DLG2: variants seen among roughly 807,000 people sequenced by gnomAD.
DLG2 encodes discs large MAGUK scaffold protein 2, also known as disks large homolog 2.
Under a neutral mutation model 132.5 loss-of-function variants are expected in DLG2, and 45 were observed. The ratio of observed to expected loss-of-function variants is 0.34; its 90% CI spans 0.27 to 0.44. The LOEUF (loss-of-function observed/expected upper bound fraction) is 0.44. Among genes scored for constraint, DLG2 ranks in the 20% least tolerant of loss-of-function variants. The pLI is 1.00. For synonymous variants in DLG2, 424 were observed against 419.6 expected (o/e 1.01, Z -0.13); for missense variants, 1,045 against 1,196.9 (o/e 0.87, Z 1.87).
intron 3 of DLG2, among the ~76,000 whole-genome samples, chr11:85,568,740 T>C (rs879690696): frequency 3.9e-5 from 6 of 152,178 alleles, no homozygotes; most frequent in African/African-American, 2.4e-5. Flanking sequence ...CTTATTTCTG[T>C]AAGATCATTG....
intron 19 of DLG2, 182 bp downstream of exon 19, chr11:83,633,025 TTAAC>T (rs1324418158): frequency 1.2e-5 from 7 of 563,256 alleles, no homozygotes; most frequent in Non-Finnish European, 1.9e-5. Flanking sequence ...GCAGGCACCT[TTAAC>T]TAATTTAATC....
chr11:84,212,567 C>G (rs2096770225), intron 8 of DLG2, among the ~76,000 whole-genome samples: 1 of 152,154 alleles, frequency 6.6e-6, no homozygotes, highest in South Asian at 2.1e-4. Context: ...TAAAAACTAA[C>G]AAATAAGCCT....
intron 4 of DLG2, among the ~76,000 whole-genome samples, chr11:85,272,440 A>G (rs1260861300): frequency 1.3e-5 from 2 of 152,212 alleles, no homozygotes; most frequent in African/African-American, 4.8e-5. Context: ...AGGATAGGCT[A>G]GAAGTCTGGA....
At chr11:83,899,423 G>A (rs1183945163) in intron 15 of DLG2, among the ~76,000 whole-genome samples, 4 of 152,142 alleles carry the variant, frequency 2.6e-5, no homozygotes, top group Non-Finnish European at 5.9e-5. Context: ...TTTCACATTG[G>A]TCTCTGATAT....
intron 19 of DLG2, among the ~76,000 whole-genome samples, chr11:83,608,133 T>C (rs2059605292): frequency 6.6e-6 from 1 of 152,208 alleles, no homozygotes; most frequent in Non-Finnish European, 1.5e-5. Flanking sequence ...TTTGGATGGA[T>C]TGTGTCCAAA....
chr11:85,375,215 G>T (rs975551944), intron 3 of DLG2, among the ~76,000 whole-genome samples: 12 of 151,974 alleles, frequency 7.9e-5, no homozygotes, highest in South Asian at 2.1e-4. Flanking sequence ...TATCACAGAA[G>T]AATAATTGTA....
intron 11 of DLG2, among the ~76,000 whole-genome samples, chr11:84,029,908 T>G (rs2095645798): frequency 6.6e-6 from 1 of 152,182 alleles, no homozygotes; most frequent in Non-Finnish European, 1.5e-5. Context: ...GAAAAGGCCT[T>G]CCTTGACCTC....
intron 3 of DLG2, among the ~76,000 whole-genome samples, chr11:85,557,390 A>G (rs1368697847): frequency 1.3e-5 from 2 of 151,828 alleles, no homozygotes; most frequent in African/African-American, 2.4e-5. Context: ...CCAAAGAAAT[A>G]TACAGATTCA....
At chr11:85,254,005 C>T (rs558326730) in intron 4 of DLG2, among the ~76,000 whole-genome samples, 9 of 152,200 alleles carry the variant, frequency 5.9e-5, no homozygotes, top group Middle Eastern at 3.4e-3. Context: ...GGCACAGGAT[C>T]GGGGGCAGGA....
At chr11:83,752,802 C>T (rs1048889865) in intron 18 of DLG2, among the ~76,000 whole-genome samples, 3 of 152,084 alleles carry the variant, frequency 2.0e-5, no homozygotes, top group Admixed American at 6.6e-5. Flanking sequence ...AATATGAGAA[C>T]GAAGAAGGCA....
chr11:84,514,399 G>A (rs2099266332), intron 7 of DLG2, among the ~76,000 whole-genome samples: 1 of 151,994 alleles, frequency 6.6e-6, no homozygotes, highest in Non-Finnish European at 1.5e-5. Flanking sequence ...CTCCCATATT[G>A]TTGCAGCACT....
intron 6 of DLG2, among the ~76,000 whole-genome samples, chr11:84,726,775 G>A (rs1043489984): frequency 6.6e-6 from 1 of 152,192 alleles, no homozygotes; most frequent in Non-Finnish European, 1.5e-5. Flanking sequence ...TCCAGCATCT[G>A]TTGTTTCCTG....
intron 18 of DLG2, among the ~76,000 whole-genome samples, chr11:83,765,775 T>C (rs896669406): frequency 1.3e-5 from 2 of 152,170 alleles, no homozygotes; most frequent in Non-Finnish European, 1.5e-5. Context: ...ATATGTACAA[T>C]TGAGTTTCTC....
chr11:85,400,659 ATTC>A (rs1322502469), intron 3 of DLG2, among the ~76,000 whole-genome samples: 2 of 147,486 alleles, frequency 1.4e-5, no homozygotes, highest in Admixed American at 1.4e-4. Context: ...GGAAATCATC[ATTC>A]TCAGTAAACT....
intron 8 of DLG2, among the ~76,000 whole-genome samples, chr11:84,213,001 C>T (rs2096777629): frequency 6.6e-6 from 1 of 152,190 alleles, no homozygotes; most frequent in African/African-American, 2.4e-5. Context: ...TAGTTCCCGT[C>T]TGAAAATCCA....
intron 11 of DLG2, among the ~76,000 whole-genome samples, chr11:83,989,924 G>T (rs552632419): frequency 6.6e-6 from 1 of 152,218 alleles, no homozygotes; most frequent in East Asian, 1.9e-4. Flanking sequence ...TTACCATTTT[G>T]AAAAGAAGTG....
intron 3 of DLG2, among the ~76,000 whole-genome samples, chr11:85,488,740 T>G (rs1245238211): frequency 2.6e-5 from 4 of 152,188 alleles, no homozygotes; most frequent in Non-Finnish European, 4.4e-5. Flanking sequence ...AAGCCCATAA[T>G]TCTATATCTA....
chr11:83,814,789 C>T lies in DLG2; in HGVS notation c.1722+18825G>A, dbSNP rs114044876. ...TTTCCCCCTTGCTCTAGATCTTGATCAATTCCTTTATCTGAGTTTAGATCC... is the reference window on the plus strand; with the variant it reads ...TTTCCCCCTTGCTCTAGATCTTGATTAATTCCTTTATCTGAGTTTAGATCC... On this transcript the variant is annotated intron_variant, in intron 17 of 27. Coordinates refer to ENST00000376104, the MANE Select transcript of DLG2 (RefSeq NM_001142699.3). 2,069 of 223,692 alleles carry T rather than the reference C, an allele frequency of 9.2e-3. 56 individuals are homozygous for T. The highest frequency in any genetic ancestry group is 0.045 in the African/African-American group (1,944 of 43,486). 13.9% of individuals were successfully genotyped at this position (223,692 alleles called of 1,614,324 possible). A position where few individuals can be genotyped will look rare whatever the true frequency, so the allele number is the denominator to read the frequency against.
intron 6 of DLG2, among the ~76,000 whole-genome samples, chr11:84,950,203 T>C (rs917263122): frequency 2.0e-5 from 3 of 152,194 alleles, no homozygotes; most frequent in Non-Finnish European, 4.4e-5. Context: ...GCATCTGCAC[T>C]GTGCTAAGAA....
Sources: allele counts gnomAD v4.1 joint callset (sites outside exome capture counted in the v4.1 genomes callset), GRCh38; gene constraint gnomAD v4.1.1; transcripts MANE v1.5; gene names NCBI Gene and HGNC (gene_info 2026-07-23, HGNC 2026-07-21).